The following TCHP variants were observed in gnomAD, a reference collection of about 807,000 sequenced individuals.
The protein encoded by TCHP is trichoplein keratin filament-binding protein.
A neutral mutation model predicts 88.7 loss-of-function variants in TCHP; 81 were observed. That is an observed-to-expected ratio of 0.91 (90% confidence interval 0.76 to 1.10). The LOEUF is 1.10. TCHP is among the 50% of genes least tolerant of loss of function. The pLI, the probability that TCHP is intolerant of heterozygous loss-of-function variation, is 0.00. For synonymous variants in TCHP, 232 were observed against 232.5 expected (o/e 1.00, Z 0.02); for missense variants, 641 against 632.1 (o/e 1.01, Z -0.15).
intron 8 of TCHP, among the ~76,000 whole-genome samples, chr12:109,909,411 T>G (rs1418356089): frequency 6.6e-6 from 1 of 152,246 alleles, no homozygotes; most frequent in Non-Finnish European, 1.5e-5. Flanking sequence ...CCTGTTTAGT[T>G]CACATCTTTC....
intron 1 of TCHP, among the ~76,000 whole-genome samples, chr12:109,901,783 C>T (rs1869812476): frequency 6.6e-6 from 1 of 152,200 alleles, no homozygotes; most frequent in South Asian, 2.1e-4. Context: ...CTCCCCTCCC[C>T]TTCCTAAACC....
At chr12:109,899,231 TTTC>T (rs1315658021), upstream of TCHP, among the ~76,000 whole-genome samples, 1 of 152,158 alleles carries the variant, frequency 6.6e-6, no homozygotes, top group Non-Finnish European at 1.5e-5. Context: ...AACAAGTATT[TTTC>T]TTCATTTTCT....
Position 109,906,624 on chromosome 12 carries a change from A to T in TCHP, c.509A>T (p.Lys170Ile). Reference sequence around the variant, plus strand: ...GTCGTAAACTCTTGGGAAATGCAGAAAGAAGAAAAAAAACAGGTGTGGTAT... The same window carrying T: ...GTCGTAAACTCTTGGGAAATGCAGATAGAAGAAAAAAAACAGGTGTGGTAT... ...KHVVNSWEMQ[K>I]EEKKQQEATA... The change falls in exon 5 of 13, where the codon AAA becomes ATA. Residue 170 changes from lysine to isoleucine, a missense_variant. Physicochemically the swap from Lys to Ile is moderately radical, Grantham distance 102. Coordinates refer to ENST00000405876, the MANE Select transcript of TCHP (RefSeq NM_001143852.2). 2 of 1,609,566 alleles carry T rather than the reference A, an allele frequency of 1.2e-6. No individual in the cohort carries two copies. The highest frequency in any genetic ancestry group is 1.7e-6 in the Non-Finnish European group (2 of 1,179,854).
intron 10 of TCHP, 31 bp from the exon 11 acceptor site, chr12:109,914,411 A>T (rs1244899753): frequency 3.1e-6 from 5 of 1,589,516 alleles, no homozygotes; most frequent in Admixed American, 1.7e-5. Flanking sequence ...GGTCAACCTC[A>T]AAGCTGCCCT....
At chr12:109,884,686 C>T in the TCHP span, among the ~76,000 whole-genome samples, 1 of 152,158 alleles carries the variant, frequency 6.6e-6, no homozygotes, top group Non-Finnish European at 1.5e-5. Context: ...AGATGTCAGC[C>T]ACACAAAGCA....
upstream of TCHP, among the ~76,000 whole-genome samples, chr12:109,898,920 G>C (rs920936754): frequency 2.0e-5 from 3 of 152,192 alleles, no homozygotes; most frequent in African/African-American, 7.2e-5. Context: ...CCAGGTTCAA[G>C]CGATTCTCCT....
intron 9 of TCHP, among the ~76,000 whole-genome samples, chr12:109,912,414 C>T (rs958510047): frequency 6.6e-6 from 1 of 152,204 alleles, no homozygotes; most frequent in Non-Finnish European, 1.5e-5. Flanking sequence ...TGGTTTCATT[C>T]ATCTCTGTGT....
rs1403593785 is a variant in TCHP, at chr12:109,904,092, G to A, written c.344G>A (p.Arg115Lys). Residue 115 changes from arginine (R) to lysine (K), a missense_variant, in exon 3 of 13, where the codon AGA becomes AAA. Coordinates refer to ENST00000405876, the MANE Select transcript of TCHP (RefSeq NM_001143852.2). The stretch of plus-strand genomic sequence containing the variant: ...CTGAGCATGAACTTGCAGGAAAGAA[G>A]AATCCGGGAGCAGCACGGGAAGCTG... ...LRLSMNLQER[R>K]IREQHGKLKS... is the part of the protein sequence containing the mutation. The A allele has an allele frequency of 6.3e-7, 1 of 1,595,994 alleles. No homozygotes were observed. The highest frequency in any genetic ancestry group is 8.5e-7 in the Non-Finnish European group (1 of 1,171,110).
chr12:109,907,746 T>A (rs1038521702), intron 6 of TCHP, 47 bp downstream of exon 6: 1 of 1,548,544 alleles, frequency 6.5e-7, no homozygotes, highest in Non-Finnish European at 8.7e-7. Context: ...CAGCTGCTCG[T>A]TAGCATGAGA....
At chr12:109,891,038 C>G in the TCHP span, among the ~76,000 whole-genome samples, 2 of 152,176 alleles carry the variant, frequency 1.3e-5, no homozygotes, top group African/African-American at 4.8e-5. Context: ...GTTTTGAACC[C>G]CTAGGGTATT....
At chr12:109,885,478 GTTT>G in the TCHP span, among the ~76,000 whole-genome samples, 2,988 of 117,822 alleles carry the variant, frequency 0.025, 16 homozygotes, top group South Asian at 0.052. Flanking sequence ...AAATCTGATG[GTTT>G]TTTTTTTTTT....
At chr12:109,885,569 G>A in the TCHP span, among the ~76,000 whole-genome samples, 229 of 139,732 alleles carry the variant, frequency 1.6e-3, no homozygotes, top group East Asian at 4.2e-3. Context: ...TGCAAGCTCC[G>A]CCTTCCAGGT....
At chr12:109,885,478 G>GGTTTTTTTTTTTT in the TCHP span, among the ~76,000 whole-genome samples, 1 of 118,176 alleles carries the variant, frequency 8.5e-6, no homozygotes, top group African/African-American at 3.3e-5. Flanking sequence ...AAATCTGATG[G>GGTTTTTTTTTTTT]TTTTTTTTTT....
At chr12:109,893,810 T>C in the TCHP span, among the ~76,000 whole-genome samples, 2 of 152,164 alleles carry the variant, frequency 1.3e-5, no homozygotes, top group South Asian at 2.1e-4. Context: ...AGGGTTTGCA[T>C]AGCCAATGGA....
the TCHP span, among the ~76,000 whole-genome samples, chr12:109,885,485 T>G: frequency 2.2e-4 from 32 of 148,414 alleles, no homozygotes; most frequent in Admixed American, 1.9e-3. Flanking sequence ...ATGGTTTTTT[T>G]TTTTTTTTTT....
At chr12:109,897,712 C>T (rs1042630995), upstream of TCHP, among the ~76,000 whole-genome samples, 2 of 152,054 alleles carry the variant, frequency 1.3e-5, no homozygotes, top group Non-Finnish European at 2.9e-5. Flanking sequence ...TGCATGCCAC[C>T]ACACCTGGCT....
At chr12:109,886,269 C>A in the TCHP span, among the ~76,000 whole-genome samples, 1 of 152,088 alleles carries the variant, frequency 6.6e-6, no homozygotes, top group Admixed American at 6.6e-5. Flanking sequence ...TCTTGAGTAG[C>A]TGGGATTACA....
intron 10 of TCHP, 105 bp downstream of exon 10, chr12:109,913,177 C>G: frequency 1.0e-6 from 1 of 1,000,394 alleles, no homozygotes; most frequent in African/African-American, 1.6e-5. Flanking sequence ...AGAGTCTTCT[C>G]TGGTCATTTT....
At chr12:109,886,880 TG>T in the TCHP span, among the ~76,000 whole-genome samples, 124 of 152,068 alleles carry the variant, frequency 8.2e-4, no homozygotes, top group African/African-American at 2.7e-3. Flanking sequence ...GGCTAATTTT[TG>T]TATTTTTAGT....
Sources: allele counts gnomAD v4.1 joint callset (sites outside exome capture counted in the v4.1 genomes callset), GRCh38; gene constraint gnomAD v4.1.1; transcripts MANE v1.5; gene names NCBI Gene and HGNC (gene_info 2026-07-23, HGNC 2026-07-21).